The following RALGAPA2 variants were observed in gnomAD, a reference collection of about 807,000 sequenced individuals.
RALGAPA2 encodes the protein Ral GTPase activating protein catalytic subunit alpha 2.
RALGAPA2 carries 139 observed loss-of-function variants against 230.4 expected under a neutral mutation model. The observed-to-expected ratio is 0.60, with a 90% CI of 0.53 to 0.69. The LOEUF (loss-of-function observed/expected upper bound fraction) is 0.69, where lower values mean the gene tolerates loss of function less well. RALGAPA2 is among the 30% of genes least tolerant of loss of function. The pLI, the probability that RALGAPA2 is intolerant of heterozygous loss-of-function variation, is 0.00. For synonymous variants in RALGAPA2, 847 were observed against 837.8 expected (o/e 1.01, Z -0.19); for missense variants, 2,163 against 2,276.0 (o/e 0.95, Z 1.01).
At chr20:20,441,098 A>G (rs1035724053) in intron 37 of RALGAPA2, among the ~76,000 whole-genome samples, 10 of 152,228 alleles carry the variant, frequency 6.6e-5, no homozygotes, top group African/African-American at 2.4e-4. Context: ...AACATGCACC[A>G]ACACTTGCAA....
At chr20:20,710,998 T>C (rs1297335226) in intron 1 of RALGAPA2, among the ~76,000 whole-genome samples, 5 of 152,304 alleles carry the variant, frequency 3.3e-5, no homozygotes, top group East Asian at 1.9e-4. Flanking sequence ...CTACAGGAAG[T>C]AGAAAATTCA....
At chr20:20,703,009 C>A (rs2069451894) in intron 1 of RALGAPA2, among the ~76,000 whole-genome samples, 1 of 151,910 alleles carries the variant, frequency 6.6e-6, no homozygotes. Flanking sequence ...CTTGTCTCTA[C>A]TAAAAACACA....
intron 15 of RALGAPA2, among the ~76,000 whole-genome samples, chr20:20,602,811 G>GGC (rs956652973): frequency 1.5e-5 from 2 of 133,458 alleles, no homozygotes; most frequent in African/African-American, 2.9e-5. Context: ...CAGAATGGCA[G>GGC]GCGTGTGTGT....
chr20:20,702,299 G>A lies in RALGAPA2; in HGVS notation c.106+10076C>T, dbSNP rs538014269. Among the ~76,000 whole-genome samples the A allele has an allele frequency of 4.6e-5, 7 of 152,260 alleles. No homozygotes were observed. In the East Asian group the frequency reaches 1.4e-3, roughly 29 times the overall value. On this transcript the variant is annotated intron_variant, in intron 1 of 39. Coordinates refer to ENST00000202677, the MANE Select transcript of RALGAPA2 (RefSeq NM_020343.4). ...AGTGTGGGTTCTCTGAGAAGTAGAG[G>A]CCAAGACAGGATTAGACATGCAAGA...
In RALGAPA2 at chr20:20,391,165, A is replaced by G. The variant is rs1176320702; in HGVS notation, c.*2124T>C. On this transcript the variant is annotated 3_prime_UTR_variant, in exon 40 of 40. Transcript: ENST00000202677. The stretch of plus-strand genomic sequence containing the variant: ...CCTACAGGGGACTCTGGAGCCTAGG[A>G]GCATGCGATGGCCTTCCCAACAGGA... The G allele has an allele frequency of 6.6e-6, 1 of 152,240 alleles. No homozygotes were observed. Among genetic ancestry groups the G allele is most frequent in the East Asian group, 1.9e-4 (1 of 5,194 alleles). 9.4% of individuals were successfully genotyped at this position (152,240 alleles called of 1,614,324 possible).
chr20:20,591,136 GAATCT>G, intron 17 of RALGAPA2, 36 bp downstream of exon 17: 1 of 1,592,042 alleles, frequency 6.3e-7, no homozygotes, highest in Non-Finnish European at 8.6e-7. Context: ...TCCTCTGCCA[GAATCT>G]ATAGTTCTGT....
chr20:20,626,641 A>G (rs2066496666), intron 10 of RALGAPA2, among the ~76,000 whole-genome samples: 1 of 152,260 alleles, frequency 6.6e-6, no homozygotes, highest in South Asian at 2.1e-4. Flanking sequence ...AACCACAACA[A>G]TATAGCATTT....
intron 9 of RALGAPA2, 121 bp from the exon 10 acceptor site, chr20:20,629,711 C>G: frequency 1.0e-6 from 1 of 967,626 alleles, no homozygotes; most frequent in Admixed American, 2.2e-5. Context: ...CAGGGTACAG[C>G]AAACCAAAAC....
intron 4 of RALGAPA2, among the ~76,000 whole-genome samples, chr20:20,648,370 G>C (rs1466954670): frequency 1.3e-5 from 2 of 151,650 alleles, no homozygotes; most frequent in Non-Finnish European, 2.9e-5. Context: ...TGGGAGAGCG[G>C]GATTACCAAG....
At chr20:20,572,786 G>A in intron 21 of RALGAPA2, 89 bp downstream of exon 21, 2 of 1,116,558 alleles carry the variant, frequency 1.8e-6, no homozygotes, top group South Asian at 4.0e-5. Flanking sequence ...TTCGGAATAT[G>A]TTCAGTAGTT....
intron 20 of RALGAPA2, among the ~76,000 whole-genome samples, chr20:20,576,314 A>G (rs2064818405): frequency 6.6e-6 from 1 of 152,078 alleles, no homozygotes; most frequent in African/African-American, 2.4e-5. Flanking sequence ...CTGTTCCAGG[A>G]TCTCATCCAG....
intron 35 of RALGAPA2, among the ~76,000 whole-genome samples, chr20:20,500,895 C>T (rs959829866): frequency 2.6e-5 from 4 of 152,210 alleles, no homozygotes; most frequent in Non-Finnish European, 4.4e-5. Context: ...AAAAACAACA[C>T]TACATCTCCT....
rs753958380 is a variant in RALGAPA2, at chr20:20,472,853, C to G, written c.5471G>C (p.Cys1824Ser). Residue 1824 changes from cysteine to serine, a missense_variant, in exon 37 of 40, where the codon TGC becomes TCC. Coordinates refer to ENST00000202677, the MANE Select transcript of RALGAPA2 (RefSeq NM_020343.4). ...TCINASRAVK[C>S]LIPLYQSFYE... ...CAAGCTCTGGTAGAGTGGGATGAGGCACTTCACAGCCCTGCTGGCGTTGAT... is the reference window on the plus strand; with the variant it reads ...CAAGCTCTGGTAGAGTGGGATGAGGGACTTCACAGCCCTGCTGGCGTTGAT... 2 of 1,613,302 alleles carry G rather than the reference C, an allele frequency of 1.2e-6. No individual in the cohort carries two copies. The highest frequency in any genetic ancestry group is 2.7e-5 in the African/African-American group (2 of 74,886).
chr20:20,650,132 A>C (rs977976322), intron 4 of RALGAPA2, among the ~76,000 whole-genome samples: 4 of 152,184 alleles, frequency 2.6e-5, no homozygotes, highest in Admixed American at 1.3e-4. Context: ...TAATGAACCC[A>C]TGTTCATTTC....
chr20:20,427,996 C>G (rs148061194), intron 37 of RALGAPA2, among the ~76,000 whole-genome samples: 77 of 152,146 alleles, frequency 5.1e-4, no homozygotes, highest in African/African-American at 1.8e-3. Context: ...CTGCTGCAGT[C>G]AGAAGAGAGA....
At position 20,472,817 on chromosome 20, in the gene RALGAPA2, G is replaced by C. The variant is rs763796519; in HGVS notation, c.5495+12C>G. The C allele has an allele frequency of 5.5e-5, 88 of 1,606,420 alleles. 2 individuals carry two copies. In the South Asian group the frequency reaches 9.2e-4, roughly 17 times the overall value. ...ATGGTTAGTAAGTTACACATTTAAA[G>C]CAAAAAGATACAAGCTCTGGTAGAG... On this transcript the variant is annotated intron_variant, in intron 37 of 39. Coordinates refer to ENST00000202677, the MANE Select transcript of RALGAPA2 (RefSeq NM_020343.4).
chr20:20,419,408 G>A (rs1185464604), intron 37 of RALGAPA2, among the ~76,000 whole-genome samples: 1 of 152,204 alleles, frequency 6.6e-6, no homozygotes, highest in African/African-American at 2.4e-5. Flanking sequence ...GGGTGTTAGA[G>A]TTGACGATGA....
intron 14 of RALGAPA2, among the ~76,000 whole-genome samples, chr20:20,608,513 A>T (rs2065888559): frequency 1.3e-5 from 2 of 152,224 alleles, no homozygotes; most frequent in African/African-American, 4.8e-5. Context: ...ACACTAGAAG[A>T]ACTAGAAAAA....
At chr20:20,421,843 G>A (rs1434920800) in intron 37 of RALGAPA2, among the ~76,000 whole-genome samples, 1 of 152,106 alleles carries the variant, frequency 6.6e-6, no homozygotes, top group African/African-American at 2.4e-5. Flanking sequence ...ATGTTCATAG[G>A]AGCATTATTA....
Sources: allele counts gnomAD v4.1 joint callset (sites outside exome capture counted in the v4.1 genomes callset), GRCh38; gene constraint gnomAD v4.1.1; transcripts MANE v1.5; gene names NCBI Gene and HGNC (gene_info 2026-07-23, HGNC 2026-07-21).